Variants in PTCHD1 observed in about 807,000 individuals in gnomAD.
The protein encoded by PTCHD1 is patched domain containing 1, also known as patched domain-containing protein 1.
Under a neutral mutation model 34.6 loss-of-function variants are expected in PTCHD1, and 3 were observed. The observed-to-expected ratio is 0.09, with a 90% confidence interval of 0.04 to 0.22. The LOEUF is 0.22. Ranked by LOEUF, PTCHD1 falls within the 10% of genes least tolerant of loss-of-function variation. The pLI is 1.00. For missense variants in PTCHD1, 504 were observed against 685.5 expected, an observed-to-expected ratio of 0.74 and a Z score of 2.96; for synonymous variants, 305 against 283.1, an observed-to-expected ratio of 1.08 and a Z score of -0.77.
At position 23,353,455 on chromosome X, in the gene PTCHD1, G is replaced by A. The variant is rs924889743; in HGVS notation, c.351+18229G>A. Among the ~76,000 whole-genome samples the A allele has an allele frequency of 5.3e-5, 6 of 112,629 alleles. No homozygotes were observed. The Admixed American group carries it at 5.6e-4, about 11-fold the overall frequency. On this transcript the variant is annotated intron_variant, in intron 1 of 2. Coordinates refer to ENST00000379361, the MANE Select transcript of PTCHD1 (RefSeq NM_173495.3). ...AAATGCAAAATTAGCCGGGTGTGGT[G>A]GTGCATGCCTATAATCCCAGCTACG... is the stretch of plus-strand genomic sequence containing the variant.
intron 1 of PTCHD1, among the ~76,000 whole-genome samples, chrX:23,360,506 AT>A (rs1921948134): frequency 9.0e-6 from 1 of 111,480 alleles, no homozygotes; most frequent in African/African-American, 3.3e-5. Context: ...CCCCTTTATC[AT>A]TTTTTAATGT....
At chrX:23,355,372 C>T (rs1921775181) in intron 1 of PTCHD1, among the ~76,000 whole-genome samples, 1 of 112,649 alleles carries the variant, frequency 8.9e-6, no homozygotes, top group Non-Finnish European at 1.9e-5. Context: ...GTGCAAAGCA[C>T]CATGAAAATG....
intron 1 of PTCHD1, among the ~76,000 whole-genome samples, chrX:23,339,954 C>T (rs1419306819): frequency 8.9e-6 from 1 of 111,944 alleles, no homozygotes; most frequent in East Asian, 2.8e-4. Context: ...CAGTAGTTCT[C>T]AACCGGGGCT....
intron 1 of PTCHD1, among the ~76,000 whole-genome samples, chrX:23,379,065 A>C (rs1945271044): frequency 8.9e-6 from 1 of 112,023 alleles, no homozygotes; most frequent in Non-Finnish European, 1.9e-5. Flanking sequence ...TTGCCCTGCA[A>C]ATCGGCATTA....
chrX:23,371,386 C>G (rs7888200), intron 1 of PTCHD1, among the ~76,000 whole-genome samples: 54,162 of 109,969 alleles, frequency 0.49, 10,345 homozygotes, highest in African/African-American at 0.7. Context: ...CATTGTCAAG[C>G]CAGCTACTCT....
intron 2 of PTCHD1, among the ~76,000 whole-genome samples, chrX:23,391,530 T>G (rs1218069217): frequency 2.7e-5 from 3 of 111,703 alleles, no homozygotes; most frequent in African/African-American, 9.8e-5. Flanking sequence ...TAAGATTTAT[T>G]GCTTCCTGCC....
In PTCHD1 at chrX:23,342,471, C is replaced by T. The variant is rs769726423; in HGVS notation, c.351+7245C>T. On this transcript the variant is annotated intron_variant, in intron 1 of 2. Coordinates refer to ENST00000379361, the MANE Select transcript of PTCHD1 (RefSeq NM_173495.3). ...CTTATATTCATCTAGAGTTATACATCGAGAGATTTAGTGCCCCGTTTCTAG... is the reference window on the plus strand; with the variant it reads ...CTTATATTCATCTAGAGTTATACATTGAGAGATTTAGTGCCCCGTTTCTAG... Among the ~76,000 whole-genome samples, 19 of 106,623 alleles carry T rather than the reference C, an allele frequency of 1.8e-4. No homozygotes were observed. The South Asian group carries it at 5.9e-3, about 33-fold the overall frequency. 92.6% of individuals were successfully genotyped at this position (106,623 alleles called of 115,157 possible).
At chrX:23,373,257 G>A (rs1037267963) in intron 1 of PTCHD1, among the ~76,000 whole-genome samples, 2 of 112,641 alleles carry the variant, frequency 1.8e-5, no homozygotes, top group African/African-American at 6.4e-5. Context: ...TTCAGTGTCA[G>A]TACCCGCAAT....
chrX:23,348,033 T>G (rs1217773219), intron 1 of PTCHD1, among the ~76,000 whole-genome samples: 1 of 110,797 alleles, frequency 9.0e-6, no homozygotes, highest in Non-Finnish European at 1.9e-5. Context: ...TAACAATGAT[T>G]AATATGTTAA....
intron 1 of PTCHD1, among the ~76,000 whole-genome samples, chrX:23,358,843 T>A (rs1746036679): frequency 8.9e-6 from 1 of 112,310 alleles, no homozygotes; most frequent in Non-Finnish European, 1.9e-5. Context: ...AAGGAAGGGA[T>A]CCAGTTTCAG....
intron 2 of PTCHD1, among the ~76,000 whole-genome samples, chrX:23,391,562 C>T (rs1052091052): frequency 9.0e-5 from 10 of 111,237 alleles, no homozygotes; most frequent in African/African-American, 3.3e-4. Context: ...GGAGGGAAAA[C>T]AGAGGGGGCT....
chrX:23,366,947 C>T (rs1317751049), intron 1 of PTCHD1, among the ~76,000 whole-genome samples: 1 of 110,021 alleles, frequency 9.1e-6, no homozygotes, highest in Non-Finnish European at 1.9e-5. Flanking sequence ...CACACACACA[C>T]ACACACCCCT....
chrX:23,359,613 C>A (rs1164037991), intron 1 of PTCHD1, among the ~76,000 whole-genome samples: 1 of 112,102 alleles, frequency 8.9e-6, no homozygotes, highest in Non-Finnish European at 1.9e-5. Context: ...ATTTGACTTT[C>A]TCTTTTCCTA....
Position 23,358,822 on chromosome X carries a change from G to A in PTCHD1, c.352-20769G>A, listed in dbSNP as rs746637919. Among the ~76,000 whole-genome samples, 11 of 112,005 alleles carry A rather than the reference G, an allele frequency of 9.8e-5. No homozygotes were observed. In the East Asian group the frequency reaches 2.5e-3, roughly 25 times the overall value. On this transcript the variant is annotated intron_variant, in intron 1 of 2. Transcript: ENST00000379361. ...TTTAATCCAACTTGAATTAATTTTT[G>A]TATAAGGTGTAAGGAAGGGATCCAG...
chrX:23,350,991 A>G (rs892837377), intron 1 of PTCHD1: 1 of 276,224 alleles, frequency 3.6e-6, no homozygotes, highest in Non-Finnish European at 6.4e-6. Context: ...AATGGAATCC[A>G]TATTTTCATG....
chrX:23,359,530 A>G (rs1316961567), intron 1 of PTCHD1, among the ~76,000 whole-genome samples: 1 of 112,283 alleles, frequency 8.9e-6, no homozygotes, highest in Non-Finnish European at 1.9e-5. Flanking sequence ...GTTGCTTATC[A>G]GCTTAAGGAG....
intron 1 of PTCHD1, among the ~76,000 whole-genome samples, chrX:23,335,596 A>G (rs926567477): frequency 1.8e-5 from 2 of 112,752 alleles, no homozygotes; most frequent in African/African-American, 3.2e-5. Context: ...GACATTCTGG[A>G]AAGTCCTACT....
At chrX:23,371,295 A>G (rs1228043261) in intron 1 of PTCHD1, among the ~76,000 whole-genome samples, 1 of 111,840 alleles carries the variant, frequency 8.9e-6, no homozygotes, top group Non-Finnish European at 1.9e-5. Context: ...TGAGAGTACA[A>G]TATTTGGAAG....
intron 1 of PTCHD1, among the ~76,000 whole-genome samples, chrX:23,363,794 T>A (rs889038252): frequency 8.9e-6 from 1 of 112,585 alleles, no homozygotes; most frequent in African/African-American, 3.2e-5. Context: ...GGAATGGAAG[T>A]CAAGCTATTT....
Sources: allele counts gnomAD v4.1 joint callset (sites outside exome capture counted in the v4.1 genomes callset), GRCh38; gene constraint gnomAD v4.1.1; transcripts MANE v1.5; gene names NCBI Gene and HGNC (gene_info 2026-07-23, HGNC 2026-07-21).